The following ZMYM2 variants were observed in gnomAD, a reference collection of about 807,000 sequenced individuals.
The protein encoded by ZMYM2 is zinc finger MYM-type containing 2, also known as zinc finger MYM-type protein 2.
ZMYM2 carries 56 observed loss-of-function variants against 162.8 expected under a neutral mutation model. The ratio of observed to expected loss-of-function variants is 0.34; its 90% CI spans 0.28 to 0.43. The LOEUF is 0.43. Among genes scored for constraint, ZMYM2 ranks in the 20% least tolerant of loss-of-function variants. The pLI is 1.00. For synonymous variants in ZMYM2, 510 were observed against 541.6 expected (o/e 0.94, Z 0.81); for missense variants, 1,275 against 1,621.8 (o/e 0.79, Z 3.67).
chr13:19,950,043 T>C, the ZMYM2 span, among the ~76,000 whole-genome samples: 1 of 151,402 alleles, frequency 6.6e-6, no homozygotes, highest in Non-Finnish European at 1.5e-5. Flanking sequence ...GAGATTTAGG[T>C]GGGAGGATTA....
At chr13:20,017,368 A>G (rs1951713961) in intron 6 of ZMYM2, among the ~76,000 whole-genome samples, 1 of 150,954 alleles carries the variant, frequency 6.6e-6, no homozygotes, top group Non-Finnish European at 1.5e-5. Flanking sequence ...TATTTCACCT[A>G]CAGGTGTGTC....
At chr13:19,979,119 G>A (rs1459494900) in intron 2 of ZMYM2, among the ~76,000 whole-genome samples, 4 of 152,216 alleles carry the variant, frequency 2.6e-5, no homozygotes, top group African/African-American at 9.6e-5. Flanking sequence ...TGCTGATAAT[G>A]ATAATCTAAA....
intron 6 of ZMYM2, among the ~76,000 whole-genome samples, chr13:20,018,240 TAA>T (rs1435393949): frequency 6.6e-6 from 1 of 152,226 alleles, no homozygotes; most frequent in African/African-American, 2.4e-5. Flanking sequence ...TATTATTACA[TAA>T]ATAAAAATTA....
the ZMYM2 span, among the ~76,000 whole-genome samples, chr13:19,943,841 T>C: frequency 6.6e-6 from 1 of 152,176 alleles, no homozygotes; most frequent in Non-Finnish European, 1.5e-5. Context: ...CCAGACTGAG[T>C]GGAAGCCAGG....
In ZMYM2 at chr13:20,006,704, A is replaced by G. The variant is rs115550449; in HGVS notation, c.1512+118A>G. The stretch of plus-strand genomic sequence containing the variant: ...TTATCTTAGAATTTCATTTAATTCC[A>G]TTATTGTTGTCATATCATGGAGCAT... On this transcript the variant is annotated intron_variant, in intron 6 of 24. Transcript: ENST00000610343. 2.1e-3 allele frequency: 2,232 copies of G among 1,063,730 alleles called. 44 individuals are homozygous for G. In the African/African-American group the frequency reaches 0.031, roughly 15 times the overall value. 65.9% of individuals were successfully genotyped at this position (1,063,730 alleles called of 1,614,324 possible). A position where few individuals can be genotyped will look rare whatever the true frequency, so the allele number is the denominator to read the frequency against.
In ZMYM2 at chr13:20,059,568, T is replaced by C; in HGVS notation, c.2739+6T>C. On this transcript the variant is annotated splice_donor_region_variant and intron_variant, in intron 16 of 24. Transcript: ENST00000610343. ...CTACTACAGTTCCTGTTCCTGTAAG[T>C]CACATTTTAAGTTCTTTCTCATTTT... 8.8e-7 allele frequency: 1 copy of C among 1,133,882 alleles called. No homozygotes were observed. The highest frequency in any genetic ancestry group is 1.3e-6 in the Non-Finnish European group (1 of 742,168). 70.2% of individuals were successfully genotyped at this position (1,133,882 alleles called of 1,614,324 possible).
At chr13:19,872,431 T>G in the ZMYM2 span, among the ~76,000 whole-genome samples, 1 of 151,990 alleles carries the variant, frequency 6.6e-6, no homozygotes, top group Non-Finnish European at 1.5e-5. Flanking sequence ...GTGCCTGTAA[T>G]CCTAGGTACT....
chr13:20,009,792 A>G (rs1951027773), intron 6 of ZMYM2, among the ~76,000 whole-genome samples: 1 of 152,216 alleles, frequency 6.6e-6, no homozygotes, highest in Admixed American at 6.5e-5. Context: ...TATATGCCAC[A>G]TTCTGTTTAT....
rs137868219 is a variant in ZMYM2, at chr13:20,019,471, A to G, written c.1513-76A>G. The G allele has an allele frequency of 1.2e-3, 1,505 of 1,284,208 alleles. 15 individuals carry two copies. In the Middle Eastern group the frequency reaches 0.036, roughly 31 times the overall value. The allele number at this position is 1,284,208 out of a possible 1,614,324, so 79.6% of individuals were successfully genotyped here. ...AATATAATTGAGAAGCAACTTTTAC[A>G]TAATGCTTATTTACCTTTCAATGTA... is the stretch of plus-strand genomic sequence containing the variant. On this transcript the variant is annotated intron_variant, in intron 6 of 24. Coordinates refer to ENST00000610343, the MANE Select transcript of ZMYM2 (RefSeq NM_197968.4).
At chr13:20,024,964 G>A (rs1952446357) in intron 7 of ZMYM2, 1 of 214,764 alleles carries the variant, frequency 4.7e-6, no homozygotes, top group African/African-American at 2.3e-5. Flanking sequence ...TGCATTCCTG[G>A]CACATAAACA....
intron 3 of ZMYM2, among the ~76,000 whole-genome samples, chr13:19,996,060 C>G (rs1323214916): frequency 6.2e-5 from 4 of 64,088 alleles, no homozygotes; most frequent in Admixed American, 2.2e-4. Flanking sequence ...TTTAACCTCT[C>G]CCCCAATTCC....
chr13:19,965,317 C>A, intron 2 of ZMYM2: 1 of 1,193,964 alleles, frequency 8.4e-7, no homozygotes, highest in Non-Finnish European at 1.1e-6. Flanking sequence ...GGTTTTGTTA[C>A]TTAACATTAA....
the ZMYM2 span, among the ~76,000 whole-genome samples, chr13:19,947,765 A>T: frequency 6.6e-6 from 1 of 152,228 alleles, no homozygotes; most frequent in East Asian, 1.9e-4. Context: ...GAGTGCTGGG[A>T]TTACAGGTGT....
chr13:19,931,138 CA>C, the ZMYM2 span, among the ~76,000 whole-genome samples: 172 of 127,566 alleles, frequency 1.3e-3, 2 homozygotes, highest in Non-Finnish European at 2.3e-3. Context: ...GACTCTCTCT[CA>C]AAAAAAAAAA....
chr13:19,912,307 T>G, the ZMYM2 span, among the ~76,000 whole-genome samples: 2 of 150,852 alleles, frequency 1.3e-5, no homozygotes, highest in Admixed American at 6.6e-5. Flanking sequence ...TTTTTTTTTT[T>G]TTTTTTTGCT....
At chr13:19,915,093 C>G in the ZMYM2 span, among the ~76,000 whole-genome samples, 1 of 152,136 alleles carries the variant, frequency 6.6e-6, no homozygotes, top group South Asian at 2.1e-4. Flanking sequence ...TCCCGAGTAG[C>G]TGAGACTACA....
the ZMYM2 span, among the ~76,000 whole-genome samples, chr13:19,941,720 CTT>C: frequency 1.4e-4 from 9 of 63,002 alleles, no homozygotes; most frequent in African/African-American, 5.2e-4. Context: ...TGGCTTTCTG[CTT>C]TTTTTTTTTT....
chr13:19,918,313 C>T, the ZMYM2 span, among the ~76,000 whole-genome samples: 1 of 151,188 alleles, frequency 6.6e-6, no homozygotes, highest in South Asian at 2.1e-4. Context: ...GGCGTGATGG[C>T]AGGCGCCTAT....
the ZMYM2 span, among the ~76,000 whole-genome samples, chr13:19,942,763 A>G: frequency 6.6e-6 from 1 of 152,154 alleles, no homozygotes; most frequent in Admixed American, 6.6e-5. Flanking sequence ...TAATTTTTTA[A>G]TGAAATTTTA....
Sources: allele counts gnomAD v4.1 joint callset (sites outside exome capture counted in the v4.1 genomes callset), GRCh38; gene constraint gnomAD v4.1.1; transcripts MANE v1.5; gene names NCBI Gene and HGNC (gene_info 2026-07-23, HGNC 2026-07-21).